The following NUF2 variants were observed in gnomAD, a reference collection of about 807,000 sequenced individuals.
NUF2 encodes NUF2 component of NDC80 kinetochore complex, also known as kinetochore protein Nuf2.
NUF2 carries 34 observed loss-of-function variants against 61.8 expected under a neutral mutation model. The ratio of observed to expected loss-of-function variants is 0.55; its 90% CI spans 0.42 to 0.73. The LOEUF (loss-of-function observed/expected upper bound fraction) is 0.73, where lower values mean the gene tolerates loss of function less well. NUF2 is among the 30% of genes least tolerant of loss of function. The pLI, the probability that NUF2 is intolerant of heterozygous loss-of-function variation, is 0.00. For missense variants in NUF2, 445 were observed against 539.1 expected (o/e 0.83, Z 1.73); for synonymous variants, 172 against 181.6 (o/e 0.95, Z 0.42).
At chr1:163,334,323 A>AT (rs909822945) in intron 5 of NUF2, among the ~76,000 whole-genome samples, 16 of 152,130 alleles carry the variant, frequency 1.1e-4, no homozygotes, top group Non-Finnish European at 1.9e-4. Context: ...TCTTAAAGGG[A>AT]TTTTTTATAT....
At position 163,339,495 on chromosome 1, in the gene NUF2, C is replaced by A. The variant is rs550955719; in HGVS notation, c.606+18C>A. On this transcript the variant is annotated intron_variant, in intron 8 of 13. Transcript: ENST00000271452. The stretch of plus-strand genomic sequence containing the variant: ...AAAAAACGGTATCTGTTGTGAGGCA[C>A]CTTAAACTTTAAAAAACAAAATTTG... 4.7e-6 allele frequency: 7 copies of A among 1,504,386 alleles called. No homozygotes were observed. Among genetic ancestry groups the A allele is most frequent in the South Asian group, 1.1e-5 (1 of 87,610 alleles). 93.2% of individuals were successfully genotyped at this position (1,504,386 alleles called of 1,614,324 possible). A position where few individuals can be genotyped will look rare whatever the true frequency, so the allele number is the denominator to read the frequency against.
intron 10 of NUF2, among the ~76,000 whole-genome samples, chr1:163,345,278 A>G (rs1019175996): frequency 7.9e-5 from 12 of 152,284 alleles, no homozygotes; most frequent in Non-Finnish European, 1.6e-4. Context: ...AATGTTTTTA[A>G]AAGAATTAGC....
At chr1:163,325,289 A>G (rs186812236) in intron 1 of NUF2, among the ~76,000 whole-genome samples, 5 of 152,272 alleles carry the variant, frequency 3.3e-5, no homozygotes, top group East Asian at 1.9e-4. Flanking sequence ...GTCTTTATCC[A>G]CTAGATTCTA....
intron 8 of NUF2, 119 bp from the exon 9 acceptor site, chr1:163,340,245 G>T: frequency 1.4e-6 from 1 of 738,592 alleles, no homozygotes; most frequent in Non-Finnish European, 2.3e-6. Context: ...GAGAAAGTTT[G>T]AAGAATATCT....
At chr1:163,338,787 TAAC>T (rs1373622819) in intron 7 of NUF2, among the ~76,000 whole-genome samples, 2 of 152,038 alleles carry the variant, frequency 1.3e-5, no homozygotes, top group South Asian at 2.1e-4. Context: ...CCAACTCTAA[TAAC>T]AAAACCCATG....
chr1:163,327,799 C>A (rs1650475444), intron 3 of NUF2: 1 of 471,400 alleles, frequency 2.1e-6, no homozygotes, highest in Non-Finnish European at 3.7e-6. Context: ...ACTTAAATGA[C>A]ACAGATCATT....
intron 11 of NUF2, among the ~76,000 whole-genome samples, chr1:163,346,908 A>T (rs185387285): frequency 6.6e-6 from 1 of 152,188 alleles, no homozygotes; most frequent in South Asian, 2.1e-4. Context: ...GCAAGATTTA[A>T]TCACACTACT....
intron 13 of NUF2, among the ~76,000 whole-genome samples, chr1:163,351,249 T>C (rs1651305833): frequency 6.6e-6 from 1 of 152,200 alleles, no homozygotes; most frequent in African/African-American, 2.4e-5. Flanking sequence ...TAGTGAAGCA[T>C]AATATTGGGG....
chr1:163,355,489 T>C lies in NUF2; in HGVS notation c.*20T>C, dbSNP rs750595633. The C allele has an allele frequency of 1.1e-5, 18 of 1,573,212 alleles. No individual in the cohort carries two copies. The highest frequency in any genetic ancestry group is 1.5e-5 in the Non-Finnish European group (17 of 1,162,218). On this transcript the variant is annotated 3_prime_UTR_variant, in exon 14 of 14. Coordinates refer to ENST00000271452, the MANE Select transcript of NUF2 (RefSeq NM_145697.3). ...ACCTGATTAACAAAATTACATGTCT[T>C]TTTGTAAATGGCTTGCCATCTTTTA...
intron 12 of NUF2, 52 bp from the exon 13 acceptor site, chr1:163,348,893 C>G: frequency 6.3e-7 from 1 of 1,576,090 alleles, no homozygotes; most frequent in Non-Finnish European, 8.6e-7. Context: ...TTGTGTTTGC[C>G]TTTTTAGTTG....
rs150350446 is a variant in NUF2 at position 163,337,638 on chromosome 1, A to G, written c.436-382A>G. ...CACACCTCAGACATCTATCACCTCT[A>G]TGATGTCCTATCACCCTTCTTCCCA... On this transcript the variant is annotated intron_variant, in intron 6 of 13. Transcript: ENST00000271452. 3.4e-3 allele frequency among the ~76,000 whole-genome samples: 518 copies of G among 152,168 alleles called. 1 individual carries two copies. The highest frequency in any genetic ancestry group is 4.8e-3 in the Non-Finnish European group (326 of 67,940).
At chr1:163,346,077 C>G in intron 11 of NUF2, 1 of 233,874 alleles carries the variant, frequency 4.3e-6, no homozygotes, top group Non-Finnish European at 8.3e-6. Flanking sequence ...GAAAATAGTA[C>G]AGTAGCTCCC....
intron 13 of NUF2, among the ~76,000 whole-genome samples, chr1:163,353,889 T>C (rs182732482): frequency 3.5e-4 from 53 of 152,296 alleles, no homozygotes; most frequent in African/African-American, 1.2e-3. Flanking sequence ...TGTTACTTGT[T>C]CTCGGAAGGA....
At chr1:163,328,802 G>A (rs775732286) in intron 4 of NUF2, 44 bp from the exon 5 acceptor site, 3 of 1,180,648 alleles carry the variant, frequency 2.5e-6, no homozygotes, top group African/African-American at 3.0e-5. Context: ...AGCATTTAAT[G>A]TGCAAAATAC....
intron 7 of NUF2, among the ~76,000 whole-genome samples, chr1:163,338,697 G>C (rs1019073835): frequency 6.6e-6 from 1 of 151,958 alleles, no homozygotes; most frequent in African/African-American, 2.4e-5. Flanking sequence ...AATATAACAG[G>C]GTAAAAGATG....
At chr1:163,322,666 G>T (rs891940435) in intron 1 of NUF2, among the ~76,000 whole-genome samples, 9 of 152,190 alleles carry the variant, frequency 5.9e-5, no homozygotes, top group Non-Finnish European at 1.2e-4. Context: ...GAACTGTGAT[G>T]TCCACAAATA....
chr1:163,349,610 T>C (rs964961588), intron 13 of NUF2, among the ~76,000 whole-genome samples: 1 of 152,134 alleles, frequency 6.6e-6, no homozygotes, highest in Non-Finnish European at 1.5e-5. Flanking sequence ...ACCTGATAAA[T>C]AGTTAAACAT....
chr1:163,328,428 A>G (rs761201613), intron 4 of NUF2, 124 bp downstream of exon 4: 16 of 575,212 alleles, frequency 2.8e-5, no homozygotes, highest in Non-Finnish European at 3.9e-5. Context: ...TTCATCCCAT[A>G]TACATTCATT....
rs760631546 is a variant in NUF2 at position 163,343,822 on chromosome 1, T to G, written c.759T>G (p.Asn253Lys). 6.9e-7 allele frequency: 1 copy of G among 1,452,468 alleles called. No homozygotes were observed. Among genetic ancestry groups the G allele is most frequent in the South Asian group, 1.5e-5 (1 of 64,760 alleles). The allele number at this position is 1,452,468 out of a possible 1,614,324, so 90.0% of individuals were successfully genotyped here. ...TGGATTCTCCAGAGAAGTTAAAGAA[T>G]TATAAAGAAAAAATGAAAGATACGG... ...KIVDSPEKLK[N>K]YKEKMKDTVQ... Residue 253 changes from asparagine to lysine, a missense_variant, in exon 10 of 14, where the codon AAT becomes AAG. Physicochemically the swap from Asn to Lys is moderately conservative, Grantham distance 94. Coordinates refer to ENST00000271452, the MANE Select transcript of NUF2 (RefSeq NM_145697.3).
Sources: gnomAD v4.1 joint callset for allele counts (sites outside exome capture counted in the v4.1 genomes callset) on GRCh38, gnomAD v4.1.1 for gene constraint, MANE v1.5 for transcripts, NCBI Gene and HGNC (gene_info 2026-07-23, HGNC 2026-07-21) for gene names.